CUX1: variants seen among roughly 807,000 people sequenced by gnomAD.
CUX1 encodes the protein cut like homeobox 1.
CUX1 carries 31 observed loss-of-function variants against 158.8 expected under a neutral mutation model. That is an observed-to-expected ratio of 0.20 (90% CI 0.15 to 0.26). The LOEUF (loss-of-function observed/expected upper bound fraction) is 0.26, where lower values mean the gene tolerates loss of function less well. Among genes scored for constraint, CUX1 ranks in the 10% least tolerant of loss-of-function variants. CUX1 has a pLI of 1.00. For missense variants in CUX1, 1,589 were observed against 2,014.6 expected (o/e 0.79, Z 4.04); for synonymous variants, 879 against 862.1 (o/e 1.02, Z -0.34).
chr7:101,862,926 A>G (rs1797610101), intron 1 of CUX1, among the ~76,000 whole-genome samples: 1 of 151,890 alleles, frequency 6.6e-6, no homozygotes. Context: ...ATTACAGAAA[A>G]TTTCAAATAT....
intron 1 of CUX1, among the ~76,000 whole-genome samples, chr7:101,870,418 C>T (rs998115611): frequency 5.9e-5 from 9 of 151,974 alleles, no homozygotes; most frequent in African/African-American, 9.7e-5. Flanking sequence ...GCAATTCACC[C>T]GCCTTGGCCT....
At chr7:102,273,344 C>A in intron 14 of CUX1, 1 of 1,608,578 alleles carries the variant, frequency 6.2e-7, no homozygotes, top group East Asian at 2.2e-5. Flanking sequence ...CCTCTGACGG[C>A]CATGTCTTCC....
chr7:102,041,935 A>C (rs939444582), intron 3 of CUX1, among the ~76,000 whole-genome samples: 3 of 152,028 alleles, frequency 2.0e-5, no homozygotes, highest in Non-Finnish European at 4.4e-5. Flanking sequence ...ATTTGGCGCT[A>C]TCTCTCCCTT....
intron 1 of CUX1, among the ~76,000 whole-genome samples, chr7:101,908,355 AGGCTG>A (rs1367830378): frequency 6.6e-6 from 1 of 152,238 alleles, no homozygotes; most frequent in Non-Finnish European, 1.5e-5. Flanking sequence ...CATATTGGCC[AGGCTG>A]GTCTGGAACT....
chr7:102,233,608 G>A (rs566228371), intron 21 of CUX1, among the ~76,000 whole-genome samples: 221 of 152,178 alleles, frequency 1.5e-3, no homozygotes, highest in Admixed American at 6.7e-3. Context: ...CCAACATGGC[G>A]AAAACCCGTC....
intron 4 of CUX1, among the ~76,000 whole-genome samples, chr7:102,076,527 GCTT>G (rs1368216127): frequency 6.6e-6 from 1 of 151,998 alleles, no homozygotes; most frequent in Non-Finnish European, 1.5e-5. Flanking sequence ...CCACCAGATC[GCTT>G]CTTATTTCTT....
chr7:102,047,814 A>G (rs1314745691), intron 3 of CUX1, among the ~76,000 whole-genome samples: 2 of 152,136 alleles, frequency 1.3e-5, no homozygotes, highest in African/African-American at 4.8e-5. Context: ...AGGTTTTACT[A>G]AAGTTCCATC....
At chr7:102,070,238 C>T in intron 3 of CUX1, 101 bp from the exon 4 acceptor site, 1 of 986,894 alleles carries the variant, frequency 1.0e-6, no homozygotes, top group South Asian at 1.5e-5. Context: ...CAAGCATCTC[C>T]CTTGCTACGG....
At chr7:102,183,398 G>A (rs186985029) in intron 11 of CUX1, among the ~76,000 whole-genome samples, 1 of 152,122 alleles carries the variant, frequency 6.6e-6, no homozygotes, top group Non-Finnish European at 1.5e-5. Flanking sequence ...TGGGGAGAGA[G>A]GATCATTGGA....
intron 2 of CUX1, among the ~76,000 whole-genome samples, chr7:101,971,374 A>G (rs888879686): frequency 1.1e-4 from 16 of 152,198 alleles, no homozygotes; most frequent in South Asian, 4.1e-4. Context: ...GAGGCTGGGC[A>G]TGGTGGCTCA....
intron 2 of CUX1, among the ~76,000 whole-genome samples, chr7:101,973,151 T>C (rs1178578363): frequency 6.6e-6 from 1 of 152,122 alleles, no homozygotes; most frequent in Admixed American, 6.5e-5. Context: ...CAGAGCGTGA[T>C]TGGGGTTTCA....
intron 23 of CUX1, among the ~76,000 whole-genome samples, chr7:102,245,512 A>T (rs568505532): frequency 1.3e-5 from 2 of 152,306 alleles, no homozygotes; most frequent in South Asian, 4.1e-4. Context: ...CCCCAGCCTT[A>T]GGGCTTATCA....
intron 2 of CUX1, among the ~76,000 whole-genome samples, chr7:101,923,609 CT>C (rs1315612103): frequency 6.6e-6 from 1 of 152,204 alleles, no homozygotes; most frequent in Non-Finnish European, 1.5e-5. Context: ...CATTTTTGCC[CT>C]GATGTATTTT....
chr7:101,934,344 A>G (rs1449938599), intron 2 of CUX1, among the ~76,000 whole-genome samples: 1 of 152,208 alleles, frequency 6.6e-6, no homozygotes, highest in Admixed American at 6.5e-5. Flanking sequence ...CCTTTTCACT[A>G]TAATGCGCTC....
intron 8 of CUX1, among the ~76,000 whole-genome samples, chr7:102,146,360 G>A (rs1197856217): frequency 2.0e-5 from 3 of 152,172 alleles, no homozygotes; most frequent in African/African-American, 7.2e-5. Flanking sequence ...GCACCCAGCC[G>A]GCCAGAGCTG....
At chr7:102,092,705 GGT>G (rs1828700622) in intron 4 of CUX1, among the ~76,000 whole-genome samples, 3 of 151,988 alleles carry the variant, frequency 2.0e-5, no homozygotes, top group Non-Finnish European at 2.9e-5. Context: ...TGAGGCCGGG[GGT>G]TGAAGACCAG....
intron 4 of CUX1, among the ~76,000 whole-genome samples, chr7:102,086,238 ATT>A (rs1554480435): frequency 1.5e-5 from 2 of 134,014 alleles, no homozygotes; most frequent in African/African-American, 6.0e-5. Context: ...GTTTGCATTG[ATT>A]TTTCTCTTTT....
intron 15 of CUX1, chr7:102,273,626 C>A: frequency 1.7e-6 from 2 of 1,146,094 alleles, no homozygotes; most frequent in Non-Finnish European, 2.4e-6. Context: ...TCACCTAAAA[C>A]CATTGGGTTC....
intron 2 of CUX1, among the ~76,000 whole-genome samples, chr7:102,012,712 A>G (rs78351382): frequency 0.022 from 3,006 of 134,142 alleles, 140 homozygotes; most frequent in African/African-American, 0.085. Context: ...GGGCGGGGGG[A>G]GGGGGTTGTC....
Sources: allele counts gnomAD v4.1 joint callset (sites outside exome capture counted in the v4.1 genomes callset), GRCh38; gene constraint gnomAD v4.1.1; transcripts MANE v1.5; gene names NCBI Gene and HGNC (gene_info 2026-07-23, HGNC 2026-07-21).